The following SPATA20 variants were observed in gnomAD, a reference collection of about 807,000 sequenced individuals.
SPATA20 encodes the protein spermatogenesis-associated protein 20.
Under a neutral mutation model 98.9 loss-of-function variants are expected in SPATA20, and 74 were observed. That is an observed-to-expected ratio of 0.75 (90% CI 0.62 to 0.91). SPATA20 has a LOEUF of 0.91. Among genes scored for constraint, SPATA20 ranks in the 40% least tolerant of loss-of-function variants. SPATA20 has a pLI of 0.00. For missense variants in SPATA20, 1,016 were observed against 1,069.8 expected, an observed-to-expected ratio of 0.95 and a Z score of 0.70; for synonymous variants, 430 against 440.5, an observed-to-expected ratio of 0.98 and a Z score of 0.30.
At chr17:50,554,132 A>T in intron 14 of SPATA20, 119 bp from the exon 15 acceptor site, 1 of 855,170 alleles carries the variant, frequency 1.2e-6, no homozygotes, top group Non-Finnish European at 1.9e-6. Flanking sequence ...AAGGGGCAGG[A>T]TGGGCAGGGC....
rs745874128 is a variant in SPATA20, at chr17:50,549,096, C to G, written c.570C>G (p.Leu190=). The G allele has an allele frequency of 5.0e-6, 8 of 1,613,612 alleles. No homozygotes were observed. The highest frequency in any genetic ancestry group is 5.9e-6 in the Non-Finnish European group (7 of 1,179,962). ...TGAATGTGTGGCTGACTCCCAACCT[C>G]CAGCCCTTTGTCGGGGGCACCTATT... The part of the protein sequence containing the change: ...WPMNVWLTPN[L]QPFVGGTYFP... Residue 190 remains leucine (L), a synonymous_variant, in exon 6 of 17, where the codon CTC becomes CTG. Coordinates refer to ENST00000006658, the MANE Select transcript of SPATA20 (RefSeq NM_022827.4).
intron 14 of SPATA20, among the ~76,000 whole-genome samples, chr17:50,553,482 C>G (rs1222460427): frequency 6.6e-6 from 1 of 151,944 alleles, no homozygotes; most frequent in African/African-American, 2.4e-5. Context: ...AGCCTGTATC[C>G]TGGAGGACAG....
intron 14 of SPATA20, among the ~76,000 whole-genome samples, chr17:50,553,027 G>A (rs2035040274): frequency 6.6e-6 from 1 of 152,188 alleles, no homozygotes; most frequent in Non-Finnish European, 1.5e-5. Context: ...GTATGGTAGG[G>A]GAGACAGCGA....
intron 14 of SPATA20, 38 bp downstream of exon 14, chr17:50,552,218 G>A (rs749278704): frequency 1.9e-6 from 3 of 1,580,452 alleles, no homozygotes; most frequent in African/African-American, 2.7e-5. Flanking sequence ...GGTCCTGGGA[G>A]GTGTAAGTGC....
At position 50,548,340 on chromosome 17, in the gene SPATA20, G is replaced by A. The variant is rs2034949362; in HGVS notation, c.183G>A (p.Met61Ile). The change falls in exon 3 of 17, where the codon ATG (methionine) becomes ATA (isoleucine). Residue 61 changes from methionine to isoleucine, a missense_variant. Coordinates refer to ENST00000006658, the MANE Select transcript of SPATA20 (RefSeq NM_022827.4). ...CGACGGTCAGTAGTTCAGTGCCCAT[G>A]CCTGCTGGAGGGAAAGGAAGCCATC... ...RSATVSSSVP[M>I]PAGGKGSHPS... 1.9e-6 allele frequency: 3 copies of A among 1,613,830 alleles called. No homozygotes were observed. The highest frequency in any genetic ancestry group is 2.5e-6 in the Non-Finnish European group (3 of 1,179,970).
In SPATA20 at chr17:50,554,423, C is replaced by G; in HGVS notation, c.2130C>G (p.Leu710=). ...PVALPEMVRA[L]SAQQQTLKQI... is the part of the protein sequence containing the mutation. ...CGTTGCCCGAGATGGTCCGCGCCCT[C>G]TCAGCCCAGCAGCAGACCCTCAAGC... The change falls in exon 15 of 17, where the codon CTC becomes CTG. Residue 710 remains leucine (L), a synonymous_variant. Coordinates refer to ENST00000006658, the MANE Select transcript of SPATA20 (RefSeq NM_022827.4). 1 of 1,612,862 alleles carries G rather than the reference C, an allele frequency of 6.2e-7. No homozygotes were observed.
Position 50,551,973 on chromosome 17 carries a change from C to A in SPATA20, c.1750C>A (p.Pro584Thr). 1 of 1,593,498 alleles carries A rather than the reference C, an allele frequency of 6.3e-7. No homozygotes were observed. The highest frequency in any genetic ancestry group is 2.3e-5 in the East Asian group (1 of 44,054). Residue 584 changes from proline to threonine, a missense_variant, in exon 14 of 17, where the codon CCA becomes ACA. Coordinates refer to ENST00000006658, the MANE Select transcript of SPATA20 (RefSeq NM_022827.4). Reference protein sequence around the residue: ...GPGGTVEHSNPPCWGFLEDYA... With the variant: ...GPGGTVEHSNTPCWGFLEDYA... The stretch of plus-strand genomic sequence containing the variant: ...CCCGTAATGCCTGTCCCCCAGCAAC[C>A]CACCCTGCTGGGGCTTCCTGGAGGA...
At chr17:50,550,657 G>C in intron 10 of SPATA20, 47 bp downstream of exon 10, 3 of 1,612,342 alleles carry the variant, frequency 1.9e-6, no homozygotes, top group Non-Finnish European at 1.7e-6. Flanking sequence ...GAGGGGTTGG[G>C]GCCTCCACTG....
At position 50,550,165 on chromosome 17, in the gene SPATA20, G is replaced by A. The variant is rs371179753; in HGVS notation, c.994-43G>A. The A allele has an allele frequency of 3.3e-5, 54 of 1,612,410 alleles. No individual in the cohort carries two copies. The South Asian group carries it at 5.7e-4, about 17-fold the overall frequency. ...GAGGGGCAGCAGGGGGCTGTGGGGT[G>A]GGGCAGAAGCTGGGACTGGCCTCCA... On this transcript the variant is annotated intron_variant, in intron 8 of 16. Coordinates refer to ENST00000006658, the MANE Select transcript of SPATA20 (RefSeq NM_022827.4).
At chr17:50,554,918 T>C (rs1399398545) in intron 15 of SPATA20, among the ~76,000 whole-genome samples, 1 of 100,080 alleles carries the variant, frequency 1.0e-5, no homozygotes, top group Non-Finnish European at 1.9e-5. Context: ...TGTGTGTGTG[T>C]GTGTGTGTGT....
Position 50,552,133 on chromosome 17 carries a change from G to T in SPATA20, c.1910G>T (p.Cys637Phe). ...FWDSQGGGYFCSEAELGAGLP... is the reference protein window; with the variant it reads ...FWDSQGGGYFFSEAELGAGLP... ...GACTCCCAGGGTGGCGGCTACTTCTGCAGTGAGGCTGAGCTGGGGGCTGGC... is the reference window on the plus strand; with the variant it reads ...GACTCCCAGGGTGGCGGCTACTTCTTCAGTGAGGCTGAGCTGGGGGCTGGC... The change falls in exon 14 of 17, where the codon TGC becomes TTC. Residue 637 changes from cysteine (C) to phenylalanine (F), a missense_variant. Coordinates refer to ENST00000006658, the MANE Select transcript of SPATA20 (RefSeq NM_022827.4). 1 of 1,613,808 alleles carries T rather than the reference G, an allele frequency of 6.2e-7. No individual in the cohort carries two copies. Among genetic ancestry groups the T allele is most frequent in the East Asian group, 2.2e-5 (1 of 44,876 alleles).
At chr17:50,550,964 G>A (rs201599127) in intron 11 of SPATA20, 34 bp from the exon 12 acceptor site, 62 of 1,612,076 alleles carry the variant, frequency 3.8e-5, no homozygotes, top group African/African-American at 3.2e-4. Flanking sequence ...CCTGCCAGGC[G>A]TGTGAGCTCG....
rs181221428 is a variant in SPATA20, at chr17:50,552,326, G to A, written c.1957+146G>A. 2.0e-3 allele frequency: 1,328 copies of A among 667,898 alleles called. 6 individuals are homozygous for A. The highest frequency in any genetic ancestry group is 2.2e-3 in the Non-Finnish European group (888 of 398,382). 41.4% of individuals were successfully genotyped at this position (667,898 alleles called of 1,614,324 possible). ...TTTTTGGCTGCTGTAATATTTCTGT[G>A]TCTCAATTTCTTTTTTTTAAATAGA... On this transcript the variant is annotated intron_variant, in intron 14 of 16. Transcript: ENST00000006658.
chr17:50,551,689 T>G lies in SPATA20; in HGVS notation c.1745+10T>G. On this transcript the variant is annotated intron_variant, in intron 13 of 16. Transcript: ENST00000006658. The stretch of plus-strand genomic sequence containing the variant: ...GGACTGTGGAGCACAGGTTGGGGGC[T>G]GGGTAGACCGGGAGGGCCCGTCTCC... 1 of 1,583,470 alleles carries G rather than the reference T, an allele frequency of 6.3e-7. No homozygotes were observed. The highest frequency in any genetic ancestry group is 8.6e-7 in the Non-Finnish European group (1 of 1,156,498).
chr17:50,550,656 G>T (rs2144060482), intron 10 of SPATA20, 46 bp downstream of exon 10: 2 of 1,612,266 alleles, frequency 1.2e-6, no homozygotes, highest in Non-Finnish European at 1.7e-6. Context: ...GGAGGGGTTG[G>T]GGCCTCCACT....
Position 50,548,221 on chromosome 17 carries a change from G to T in SPATA20, c.126-62G>T. On this transcript the variant is annotated intron_variant, in intron 2 of 16. Transcript: ENST00000006658. ...TGCTGAGTGAAATGGAGCAGGTGCT[G>T]GGGGGCCTGGGAGAAGGTGGGTGGA... 3 of 1,578,510 alleles carry T rather than the reference G, an allele frequency of 1.9e-6. No individual in the cohort carries two copies. In the South Asian group the frequency reaches 3.5e-5, roughly 18 times the overall value.
chr17:50,547,904 C>A, intron 2 of SPATA20, 137 bp downstream of exon 2: 1 of 1,416,084 alleles, frequency 7.1e-7, no homozygotes, highest in Non-Finnish European at 9.7e-7. Flanking sequence ...ACACCCAGGC[C>A]TGCCAGAGAG....
At position 50,549,439 on chromosome 17, in the gene SPATA20, G is replaced by T; in HGVS notation, c.814G>T (p.Asp272Tyr). The T allele has an allele frequency of 6.2e-7, 1 of 1,612,650 alleles. No homozygotes were observed. Among genetic ancestry groups the T allele is most frequent in the Non-Finnish European group, 8.5e-7 (1 of 1,180,006 alleles). The change falls in exon 7 of 17, where the codon GAT (aspartate) becomes TAT (tyrosine). Residue 272 changes from aspartate to tyrosine, a missense_variant. By Grantham distance (160) the Asp-to-Tyr change is radical. Transcript: ENST00000006658. ...RCFQQLDEGY[D>Y]EEYGGFAEAP... The stretch of plus-strand genomic sequence containing the variant: ...CTTCCAGCAGCTGGATGAGGGCTAT[G>T]ATGAGGAATACGGTGGCTTCGCTGA...
chr17:50,554,885 CTGTGTGTGTGTGTGTGTGTGTGTGTGTG>C (rs3062812), intron 15 of SPATA20, among the ~76,000 whole-genome samples: 1 of 141,438 alleles, frequency 7.1e-6, no homozygotes, highest in Non-Finnish European at 1.6e-5. Context: ...TGGGCATCTA[CTGTGTGTGTGTGTGTGTGTGTGTGTGTG>C]TGTGTGTGTG....
Sources: gnomAD v4.1 joint callset for allele counts (sites outside exome capture counted in the v4.1 genomes callset) on GRCh38, gnomAD v4.1.1 for gene constraint, MANE v1.5 for transcripts, NCBI Gene and HGNC (gene_info 2026-07-23, HGNC 2026-07-21) for gene names.